Variants in NCOA7 observed in about 807,000 individuals in gnomAD.
NCOA7 encodes the protein 140 kDa estrogen receptor-associated protein.
Under a neutral mutation model 104.3 loss-of-function variants are expected in NCOA7, and 45 were observed. The observed-to-expected ratio is 0.43, with a 90% CI of 0.34 to 0.55. NCOA7 has a LOEUF of 0.55. NCOA7 is among the 20% of genes least tolerant of loss of function. The probability of loss-of-function intolerance (pLI) is 0.02; values close to 1 mark genes in which losing one functional copy is unlikely to be tolerated. For missense variants in NCOA7, 1,041 were observed against 1,119.7 expected, an observed-to-expected ratio of 0.93 and a Z score of 1.00; for synonymous variants, 398 against 402.3, an observed-to-expected ratio of 0.99 and a Z score of 0.13.
intron 2 of NCOA7, among the ~76,000 whole-genome samples, chr6:125,843,872 G>C (rs1387315972): frequency 1.3e-5 from 2 of 152,140 alleles, no homozygotes; most frequent in African/African-American, 4.8e-5. Flanking sequence ...TTCAACAAAG[G>C]GCTGTTTTGT....
intron 13 of NCOA7, among the ~76,000 whole-genome samples, chr6:125,927,307 TG>T (rs1230584709): frequency 9.2e-5 from 14 of 152,234 alleles, no homozygotes; most frequent in African/African-American, 3.4e-4. Flanking sequence ...TGTATCTTCT[TG>T]TGGCTTAATG....
At chr6:125,834,050 G>A (rs758424719) in intron 2 of NCOA7, among the ~76,000 whole-genome samples, 2 of 151,086 alleles carry the variant, frequency 1.3e-5, no homozygotes, top group South Asian at 2.1e-4. Context: ...ACATTTGGTC[G>A]GTAGGATTAT....
Position 125,858,755 on chromosome 6 carries a change from G to A in NCOA7, c.271+3515G>A, listed in dbSNP as rs953966226. Among the ~76,000 whole-genome samples, 10 of 152,162 alleles carry A rather than the reference G, an allele frequency of 6.6e-5. 1 individual carries two copies. Among genetic ancestry groups the A allele is most frequent in the African/African-American group, 2.4e-4 (10 of 41,432 alleles). ...CAGTGCTTAGATAAAACCTCTAGGT[G>A]GAATTCACCTTTCCACCTAGACCCT... On this transcript the variant is annotated intron_variant, in intron 3 of 15. Coordinates refer to ENST00000392477, the MANE Select transcript of NCOA7 (RefSeq NM_181782.5).
intron 3 of NCOA7, among the ~76,000 whole-genome samples, chr6:125,857,708 A>G (rs1267693306): frequency 6.6e-6 from 1 of 151,950 alleles, no homozygotes; most frequent in Non-Finnish European, 1.5e-5. Context: ...TAACAGGTGC[A>G]CACCATCACG....
chr6:125,915,374 A>G lies in NCOA7; in HGVS notation c.2138A>G (p.Asp713Gly). The G allele has an allele frequency of 6.2e-7, 1 of 1,613,906 alleles. No homozygotes were observed. Among genetic ancestry groups the G allele is most frequent in the South Asian group, 1.1e-5 (1 of 91,076 alleles). ...ACATTCTTTGTTCAGTGGTCTCCCG[A>G]TGTCTATGGAAAAGATGCCAAAGAG... The part of the protein sequence containing the change: ...LYTFFVQWSP[D>G]VYGKDAKEQG... Residue 713 changes from aspartate (D) to glycine (G), a missense_variant, in exon 11 of 16, where the codon GAT (aspartate) becomes GGT (glycine). Physicochemically the swap from Asp to Gly is moderately conservative, Grantham distance 94. Around this residue, in one of 2 missense-constraint regions of NCOA7, gnomAD observed 914 missense variants for 942.7 expected, o/e 0.97. Transcript: ENST00000392477.
chr6:125,844,347 A>G (rs2128607661), intron 2 of NCOA7, among the ~76,000 whole-genome samples: 1 of 152,312 alleles, frequency 6.6e-6, no homozygotes, highest in East Asian at 1.9e-4. Flanking sequence ...CAGTTTTAGC[A>G]GTGGGAAGAA....
chr6:125,808,262 A>G (rs901024623), intron 1 of NCOA7, among the ~76,000 whole-genome samples: 19 of 152,136 alleles, frequency 1.2e-4, no homozygotes, highest in African/African-American at 4.6e-4. Flanking sequence ...TCTCCTTCCC[A>G]GCCCAGCACT....
At chr6:125,882,619 C>A in intron 7 of NCOA7, 68 bp downstream of exon 7, 1 of 1,554,500 alleles carries the variant, frequency 6.4e-7, no homozygotes, top group South Asian at 1.2e-5. Context: ...TTACAAATTA[C>A]TGGAACAGAG....
intron 2 of NCOA7, among the ~76,000 whole-genome samples, chr6:125,854,347 T>G (rs921282070): frequency 2.3e-4 from 35 of 152,224 alleles, no homozygotes; most frequent in Non-Finnish European, 3.7e-4. Flanking sequence ...CTCTTACACA[T>G]ATTTGGCTCA....
At chr6:125,907,352 G>T (rs10782229) in intron 10 of NCOA7, among the ~76,000 whole-genome samples, 3 of 152,124 alleles carry the variant, frequency 2.0e-5, no homozygotes, top group Non-Finnish European at 4.4e-5. Flanking sequence ...AGAGACAGAG[G>T]GTACCACCTG....
At chr6:125,885,887 G>T (rs1463574569) in intron 8 of NCOA7, among the ~76,000 whole-genome samples, 1 of 152,110 alleles carries the variant, frequency 6.6e-6, no homozygotes, top group Non-Finnish European at 1.5e-5. Context: ...AAATACAGAT[G>T]AATATAACTT....
intron 1 of NCOA7, among the ~76,000 whole-genome samples, chr6:125,795,037 C>T (rs1195128724): frequency 1.3e-5 from 2 of 150,798 alleles, no homozygotes; most frequent in Non-Finnish European, 3.0e-5. Flanking sequence ...AGATTGAGCT[C>T]CTGGAGTTAA....
chr6:125,815,525 C>A, intron 2 of NCOA7, 121 bp downstream of exon 2: 1 of 728,620 alleles, frequency 1.4e-6, no homozygotes. Flanking sequence ...AGCAGGTAAC[C>A]AGGAGAAGTA....
intron 2 of NCOA7, among the ~76,000 whole-genome samples, chr6:125,849,908 C>T (rs1780970780): frequency 6.6e-6 from 1 of 151,858 alleles, no homozygotes; most frequent in Admixed American, 6.6e-5. Flanking sequence ...ATTTTTAGTC[C>T]ACAGTATAAA....
chr6:125,798,649 CA>C (rs1336822382), intron 1 of NCOA7, among the ~76,000 whole-genome samples: 3 of 151,982 alleles, frequency 2.0e-5, no homozygotes, highest in East Asian at 1.9e-4. Context: ...ACAGTATATA[CA>C]AAAAATTCTA....
At chr6:125,830,737 A>ATGTGTGTGTGTGTGTGTGTGTGTG (rs890797445) in intron 2 of NCOA7, among the ~76,000 whole-genome samples, 1 of 93,046 alleles carries the variant, frequency 1.1e-5, no homozygotes, top group Non-Finnish European at 2.2e-5. Context: ...ATATATATAT[A>ATGTGTGTGTGTGTGTGTGTGTGTG]TGTGTGTGTG....
At chr6:125,922,868 T>A (rs761879390) in intron 13 of NCOA7, 34 bp downstream of exon 13, 4 of 1,595,194 alleles carry the variant, frequency 2.5e-6, no homozygotes, top group South Asian at 2.2e-5. Context: ...GAATATTTTT[T>A]AATAATTTTT....
At chr6:125,814,281 A>C (rs996615355) in intron 1 of NCOA7, among the ~76,000 whole-genome samples, 13 of 152,072 alleles carry the variant, frequency 8.5e-5, no homozygotes, top group African/African-American at 2.7e-4. Flanking sequence ...CAACCTCCGG[A>C]GTAGCTGGGA....
intron 10 of NCOA7, among the ~76,000 whole-genome samples, chr6:125,914,752 T>G (rs1786900779): frequency 6.6e-6 from 1 of 152,210 alleles, no homozygotes. Context: ...CTTTGGAAAC[T>G]TCATTCAGTA....
Sources: allele counts gnomAD v4.1 joint callset (sites outside exome capture counted in the v4.1 genomes callset), GRCh38; gene constraint gnomAD v4.1.1; regional missense constraint gnomAD v4.1.1; transcripts MANE v1.5; gene names NCBI Gene and HGNC (gene_info 2026-07-23, HGNC 2026-07-21).